The following CACNA2D3 variants were observed in gnomAD, a reference collection of about 807,000 sequenced individuals.
CACNA2D3 encodes the protein calcium voltage-gated channel auxiliary subunit alpha2delta 3, also known as voltage-dependent calcium channel subunit alpha-2/delta-3.
A neutral mutation model predicts 160.6 loss-of-function variants in CACNA2D3; 60 were observed. The ratio of observed to expected loss-of-function variants is 0.37; its 90% CI spans 0.30 to 0.46. CACNA2D3 has a LOEUF of 0.46. Among genes scored for constraint, CACNA2D3 ranks in the 20% least tolerant of loss-of-function variants. The pLI is 1.00. For missense variants in CACNA2D3, 1,205 were observed against 1,365.0 expected (o/e 0.88, Z 1.85); for synonymous variants, 558 against 492.9 (o/e 1.13, Z -1.75).
At chr3:54,932,987 C>T (rs1262395213) in intron 27 of CACNA2D3, among the ~76,000 whole-genome samples, 1 of 152,166 alleles carries the variant, frequency 6.6e-6, no homozygotes, top group Non-Finnish European at 1.5e-5. Context: ...AAACGGCACC[C>T]AGGTACACAG....
chr3:54,609,044 CTG>C (rs977325518), intron 9 of CACNA2D3, among the ~76,000 whole-genome samples: 2 of 152,182 alleles, frequency 1.3e-5, no homozygotes, highest in Non-Finnish European at 2.9e-5. Flanking sequence ...CCCCCAACAA[CTG>C]TGTGTTTAAG....
chr3:54,378,305 G>T (rs1699043342), intron 3 of CACNA2D3, among the ~76,000 whole-genome samples: 1 of 152,180 alleles, frequency 6.6e-6, no homozygotes, highest in Non-Finnish European at 1.5e-5. Flanking sequence ...GTGCAGCCTG[G>T]ATCCCTTGCA....
intron 2 of CACNA2D3, among the ~76,000 whole-genome samples, chr3:54,136,198 A>C (rs1423399203): frequency 6.6e-6 from 1 of 152,252 alleles, no homozygotes; most frequent in Non-Finnish European, 1.5e-5. Context: ...ATTTGGTCCC[A>C]GTGTGTCATC....
At chr3:54,167,747 G>A (rs1213588298) in intron 2 of CACNA2D3, among the ~76,000 whole-genome samples, 1 of 152,210 alleles carries the variant, frequency 6.6e-6, no homozygotes, top group African/African-American at 2.4e-5. Context: ...TGTCACTGGA[G>A]AGGCTCTGGC....
In CACNA2D3 at chr3:54,705,511, T is replaced by TTG. The variant is rs1357350209; in HGVS notation, c.1168-47087_1168-47086dup. Among the ~76,000 whole-genome samples the TTG allele has an allele frequency of 5.3e-5, 8 of 152,192 alleles. No homozygotes were observed. The East Asian group carries it at 1.5e-3, about 29-fold the overall frequency. ...GTTCTGATTTGCTCCTTTGTTTGTT[T>TTG]TGAGTGAAGGGATGACTTCACAGTA... is the stretch of plus-strand genomic sequence containing the variant. On this transcript the variant is annotated intron_variant, in intron 11 of 37. Transcript: ENST00000474759.
At chr3:54,770,082 A>G (rs1378818151) in intron 13 of CACNA2D3, among the ~76,000 whole-genome samples, 2 of 152,212 alleles carry the variant, frequency 1.3e-5, no homozygotes, top group African/African-American at 4.8e-5. Flanking sequence ...TGCCCCGAAA[A>G]TACTTGCTGC....
At position 55,063,191 on chromosome 3, in the gene CACNA2D3, C is replaced by T. The variant is rs181813738; in HGVS notation, c.2988-10254C>T. Among the ~76,000 whole-genome samples, 910 of 152,164 alleles carry T rather than the reference C, an allele frequency of 6.0e-3. 6 individuals carry two copies. The highest frequency in any genetic ancestry group is 0.02 in the African/African-American group (834 of 41,496). On this transcript the variant is annotated intron_variant, in intron 35 of 37. Transcript: ENST00000474759. ...CAACACTCAGAGGCTTGCTGGTCCC[C>T]GAACCAGCAGCATCAGTATTGCCTG...
chr3:54,373,677 G>A (rs958976065), intron 3 of CACNA2D3, among the ~76,000 whole-genome samples: 3 of 152,124 alleles, frequency 2.0e-5, no homozygotes, highest in African/African-American at 7.2e-5. Flanking sequence ...AAATAAGGTG[G>A]AAGGTTTAAG....
chr3:54,154,906 C>G (rs1700218442), intron 2 of CACNA2D3, among the ~76,000 whole-genome samples: 2 of 152,114 alleles, frequency 1.3e-5, no homozygotes. Flanking sequence ...CATGGTTTTA[C>G]CTGATACTTA....
chr3:54,694,465 A>G (rs1700626295), intron 11 of CACNA2D3, among the ~76,000 whole-genome samples: 3 of 152,230 alleles, frequency 2.0e-5, no homozygotes, highest in Non-Finnish European at 4.4e-5. Flanking sequence ...TATAGAAAAT[A>G]CTATACACAC....
At chr3:54,171,872 T>A (rs1366782176) in intron 2 of CACNA2D3, among the ~76,000 whole-genome samples, 3 of 152,206 alleles carry the variant, frequency 2.0e-5, no homozygotes, top group Non-Finnish European at 4.4e-5. Context: ...CTATCTTCTG[T>A]CCTTCCTGTC....
intron 35 of CACNA2D3, among the ~76,000 whole-genome samples, chr3:55,036,381 A>G (rs1703816427): frequency 6.6e-6 from 1 of 152,154 alleles, no homozygotes; most frequent in Non-Finnish European, 1.5e-5. Context: ...TGGGAGACGG[A>G]GGTTGCAGTG....
intron 27 of CACNA2D3, chr3:54,924,567 C>G (rs1700954886): frequency 1.4e-6 from 2 of 1,405,264 alleles, no homozygotes; most frequent in South Asian, 2.4e-5. Flanking sequence ...AGATGAGATT[C>G]ATCCTAGGCT....
intron 27 of CACNA2D3, among the ~76,000 whole-genome samples, chr3:54,954,353 T>C (rs1701829678): frequency 6.6e-6 from 1 of 152,216 alleles, no homozygotes; most frequent in South Asian, 2.1e-4. Context: ...GTCTCCTTTC[T>C]GGCAGTAGCA....
At chr3:54,427,909 G>T (rs1449324) in intron 4 of CACNA2D3, among the ~76,000 whole-genome samples, 1 of 152,102 alleles carries the variant, frequency 6.6e-6, no homozygotes, top group Non-Finnish European at 1.5e-5. Context: ...CTTCTTTTGC[G>T]GGCTTTTAAG....
At chr3:54,335,042 A>G (rs1375424295) in intron 3 of CACNA2D3, among the ~76,000 whole-genome samples, 1 of 152,252 alleles carries the variant, frequency 6.6e-6, no homozygotes, top group Non-Finnish European at 1.5e-5. Flanking sequence ...GTTTTAGCCC[A>G]GTGCCTGGCA....
At chr3:54,527,023 C>T (rs748239992) in intron 5 of CACNA2D3, among the ~76,000 whole-genome samples, 1 of 152,162 alleles carries the variant, frequency 6.6e-6, no homozygotes, top group Non-Finnish European at 1.5e-5. Context: ...ACTATTCTCT[C>T]TTTTTTTAAA....
At chr3:54,304,664 C>G (rs1239807853) in intron 2 of CACNA2D3, among the ~76,000 whole-genome samples, 2 of 152,126 alleles carry the variant, frequency 1.3e-5, no homozygotes, top group African/African-American at 4.8e-5. Context: ...AGAAAAAAGT[C>G]TCGTTTTACC....
chr3:54,255,403 AAAGACT>A (rs1702273775), intron 2 of CACNA2D3, among the ~76,000 whole-genome samples: 1 of 152,246 alleles, frequency 6.6e-6, no homozygotes, highest in African/African-American at 2.4e-5. Context: ...AATGCGGCAT[AAAGACT>A]TGCACTGGCA....
Sources: allele counts gnomAD v4.1 joint callset (sites outside exome capture counted in the v4.1 genomes callset), GRCh38; gene constraint gnomAD v4.1.1; transcripts MANE v1.5; gene names NCBI Gene and HGNC (gene_info 2026-07-23, HGNC 2026-07-21).